Variants in ZCCHC17 observed in about 807,000 individuals in gnomAD.
ZCCHC17 encodes zinc finger CCHC-type containing 17, also known as zinc finger CCHC domain-containing protein 17.
Under a neutral mutation model 30.6 loss-of-function variants are expected in ZCCHC17, and 18 were observed. That is an observed-to-expected ratio of 0.59 (90% CI 0.41 to 0.87). The LOEUF (loss-of-function observed/expected upper bound fraction) is 0.87, where lower values mean the gene tolerates loss of function less well. Among genes scored for constraint, ZCCHC17 ranks in the 40% least tolerant of loss-of-function variants. ZCCHC17 has a pLI of 0.00. For synonymous variants in ZCCHC17, 88 were observed against 92.4 expected (o/e 0.95, Z 0.27); for missense variants, 263 against 284.2 (o/e 0.93, Z 0.54).
intron 7 of ZCCHC17, among the ~76,000 whole-genome samples, chr1:31,357,620 A>G (rs940028936): frequency 2.6e-5 from 4 of 152,238 alleles, no homozygotes; most frequent in African/African-American, 9.6e-5. Context: ...CAAATACAAA[A>G]TAGTAAAAAT....
At chr1:31,324,997 C>T (rs941732248) in intron 3 of ZCCHC17, among the ~76,000 whole-genome samples, 2 of 152,160 alleles carry the variant, frequency 1.3e-5, no homozygotes, top group Admixed American at 6.5e-5. Flanking sequence ...CCAGTCAGCA[C>T]ACACTTCTGA....
chr1:31,313,373 G>C (rs1230574977), intron 2 of ZCCHC17, among the ~76,000 whole-genome samples: 1 of 152,094 alleles, frequency 6.6e-6, no homozygotes, highest in African/African-American at 2.4e-5. Flanking sequence ...CACCTGGCCT[G>C]AGCCTATAGT....
chr1:31,342,449 C>G (rs1277442563), intron 5 of ZCCHC17, among the ~76,000 whole-genome samples: 3 of 152,158 alleles, frequency 2.0e-5, no homozygotes, highest in Non-Finnish European at 4.4e-5. Flanking sequence ...TTTTTGTCAC[C>G]AAGGACTACT....
chr1:31,301,353 A>G (rs1414884005), intron 1 of ZCCHC17, among the ~76,000 whole-genome samples: 1 of 152,222 alleles, frequency 6.6e-6, no homozygotes, highest in Non-Finnish European at 1.5e-5. Context: ...TCCCATCCCC[A>G]TCATTCATAT....
chr1:31,343,846 ATTTTTTTTT>A (rs71569979), intron 5 of ZCCHC17, among the ~76,000 whole-genome samples: 5 of 80,772 alleles, frequency 6.2e-5, no homozygotes, highest in African/African-American at 1.9e-4. Flanking sequence ...TGCCCCACTA[ATTTTTTTTT>A]TTTTTTTTTT....
At chr1:31,319,286 T>C (rs1646806847) in intron 3 of ZCCHC17, 120 bp downstream of exon 3, 2 of 856,730 alleles carry the variant, frequency 2.3e-6, no homozygotes, top group Non-Finnish European at 3.6e-6. Context: ...TTGTTTTCTT[T>C]TTAATGTATA....
At chr1:31,313,836 C>T (rs984957585) in intron 2 of ZCCHC17, among the ~76,000 whole-genome samples, 6 of 151,812 alleles carry the variant, frequency 4.0e-5, no homozygotes, top group African/African-American at 2.4e-5. Context: ...ACCTACAGCT[C>T]GCTCTTTTCT....
intron 7 of ZCCHC17, among the ~76,000 whole-genome samples, chr1:31,358,891 G>A (rs1001164994): frequency 7.9e-5 from 12 of 152,130 alleles, no homozygotes; most frequent in African/African-American, 2.9e-4. Context: ...TAAATATAGG[G>A]AAGAGACTGA....
chr1:31,355,365 T>C (rs1639608341), intron 7 of ZCCHC17, among the ~76,000 whole-genome samples: 1 of 152,142 alleles, frequency 6.6e-6, no homozygotes. Context: ...TCATTACCTT[T>C]TATGCCTCAT....
chr1:31,306,405 T>C (rs1242194442), intron 1 of ZCCHC17, among the ~76,000 whole-genome samples: 1 of 152,180 alleles, frequency 6.6e-6, no homozygotes, highest in Non-Finnish European at 1.5e-5. Context: ...TAATATACAC[T>C]GAGTGACTAG....
intron 7 of ZCCHC17, among the ~76,000 whole-genome samples, chr1:31,352,979 T>A (rs1198108774): frequency 6.6e-6 from 1 of 152,202 alleles, no homozygotes; most frequent in Non-Finnish European, 1.5e-5. Context: ...TACGTTCCCA[T>A]CAATAATGCA....
At chr1:31,297,640 T>C (rs571719745) in intron 1 of ZCCHC17, among the ~76,000 whole-genome samples, 16 of 152,306 alleles carry the variant, frequency 1.1e-4, no homozygotes, top group African/African-American at 3.8e-4. Context: ...CGTTTAACTC[T>C]GGTGGGGAAA....
rs1205541773 is a variant in ZCCHC17 at position 31,310,137 on chromosome 1, T to G, written c.39T>G (p.Pro13=). ...SGRPETMENL[P]ALYTIFQGEV... is the part of the protein sequence containing the mutation. ...GGCCTGAGACCATGGAAAACTTGCC[T>G]GCTCTCTACACTATTTTCCAAGGAG... Residue 13 remains proline, a synonymous_variant, in exon 2 of 8, where the codon CCT becomes CCG. Transcript: ENST00000344147. 6.2e-7 allele frequency: 1 copy of G among 1,614,048 alleles called. No individual in the cohort carries two copies. Among genetic ancestry groups the G allele is most frequent in the East Asian group, 2.2e-5 (1 of 44,888 alleles).
At chr1:31,301,171 G>A (rs182040672) in intron 1 of ZCCHC17, among the ~76,000 whole-genome samples, 2 of 152,146 alleles carry the variant, frequency 1.3e-5, no homozygotes, top group African/African-American at 2.4e-5. Context: ...TTTAAATGGG[G>A]TAAAATTAAA....
chr1:31,335,930 CTTT>C (rs1638797210), intron 3 of ZCCHC17, among the ~76,000 whole-genome samples: 4 of 152,052 alleles, frequency 2.6e-5, no homozygotes, highest in African/African-American at 9.7e-5. Flanking sequence ...TGGCTGTTTA[CTTT>C]TTTATTCCAC....
chr1:31,335,898 TA>T (rs1193328490), intron 3 of ZCCHC17, among the ~76,000 whole-genome samples: 6 of 152,232 alleles, frequency 3.9e-5, no homozygotes, highest in African/African-American at 1.4e-4. Flanking sequence ...CTATCATAAA[TA>T]TTTTTTGTAA....
chr1:31,310,223 A>G, intron 2 of ZCCHC17, 59 bp downstream of exon 2: 2 of 1,574,274 alleles, frequency 1.3e-6, no homozygotes, highest in Non-Finnish European at 1.7e-6. Context: ...TAAGGGTGAC[A>G]ACTGGGTTTG....
intron 7 of ZCCHC17, among the ~76,000 whole-genome samples, chr1:31,357,830 A>G (rs1639704010): frequency 6.7e-6 from 1 of 150,316 alleles, no homozygotes; most frequent in South Asian, 2.1e-4. Context: ...ATCTCAGCTC[A>G]CTGCAACCTC....
intron 7 of ZCCHC17, among the ~76,000 whole-genome samples, chr1:31,363,020 C>T (rs1639976133): frequency 6.6e-6 from 1 of 151,980 alleles, no homozygotes. Context: ...GTAACATACA[C>T]AGTTTATATC....
Sources: gnomAD v4.1 joint callset for allele counts (sites outside exome capture counted in the v4.1 genomes callset) on GRCh38, gnomAD v4.1.1 for gene constraint, MANE v1.5 for transcripts, NCBI Gene and HGNC (gene_info 2026-07-23, HGNC 2026-07-21) for gene names.